NBPF20: variants seen among roughly 807,000 people sequenced by gnomAD.
The protein encoded by NBPF20 is NBPF member 20.
In NBPF20, 90 loss-of-function variants were observed where a neutral mutation model predicts 68.1. The observed-to-expected ratio is 1.32, with a 90% CI of 1.11 to 1.58. The LOEUF is 1.58. Among genes scored for constraint, NBPF20 ranks in the 40% most tolerant of loss-of-function variants. The probability of loss-of-function intolerance (pLI) is 0.00; values close to 1 mark genes in which losing one functional copy is unlikely to be tolerated. For missense variants in NBPF20, 816 were observed against 601.2 expected, an observed-to-expected ratio of 1.36 and a Z score of -3.74; for synonymous variants, 290 against 228.1, an observed-to-expected ratio of 1.27 and a Z score of -2.45.
chr1:145,400,670 T>G, intron 5 of NBPF20, 76 bp from the exon 11 acceptor site: 1 of 1,544,926 alleles, frequency 6.5e-7, no homozygotes, highest in Non-Finnish European at 8.9e-7. Flanking sequence ...CCTAGCTGGT[T>G]TTGACAGGCG....
chr1:145,393,948 TC>T lies in NBPF20; in HGVS notation c.992-14del. ...TCCCACCGATGTCCTGCAAATAAAT[TC>T]AGATGGGCCCTCTTACATTAAGCAG... On this transcript the variant is annotated splice_polypyrimidine_tract_variant and intron_variant, in intron 8 of 137. Transcript: ENST00000369373. 2 of 1,296,026 alleles carry T rather than the reference TC, an allele frequency of 1.5e-6. No individual in the cohort carries two copies. Among genetic ancestry groups the T allele is most frequent in the Non-Finnish European group, 2.2e-6 (2 of 903,960 alleles). 80.3% of individuals were successfully genotyped at this position (1,296,026 alleles called of 1,614,324 possible). A position where few individuals can be genotyped will look rare whatever the true frequency, so the allele number is the denominator to read the frequency against.
chr1:145,414,968 G>A, the NBPF20 span, among the ~76,000 whole-genome samples: 3 of 152,120 alleles, frequency 2.0e-5, no homozygotes, highest in Non-Finnish European at 4.4e-5. Flanking sequence ...AAAGTACAGA[G>A]GAAGAAAAAT....
chr1:145,422,902 T>C, the NBPF20 span, among the ~76,000 whole-genome samples: 1 of 146,516 alleles, frequency 6.8e-6, no homozygotes, highest in Non-Finnish European at 1.5e-5. Context: ...GGTGGGAGGA[T>C]CGCTTGAGCC....
At position 145,403,257 on chromosome 1, in the gene NBPF20, C is replaced by T. The variant is rs1662611576; in HGVS notation, c.237G>A (p.Glu79=). 2.5e-6 allele frequency: 4 copies of T among 1,612,334 alleles called. No individual in the cohort carries two copies. In the South Asian group the frequency reaches 4.4e-5, roughly 18 times the overall value. Residue 79 remains glutamate, a synonymous_variant, in exon 3 of 138, where the codon GAG becomes GAA. Transcript: ENST00000369373. ...GCTTGAGCTGCTCTGCAAGCTTCTC[C>T]TCCTTGAACTGTCGCTCATTCCTCA...
At chr1:145,395,603 A>G (rs1357400165) in intron 7 of NBPF20, among the ~76,000 whole-genome samples, 3 of 150,012 alleles carry the variant, frequency 2.0e-5, no homozygotes, top group Non-Finnish European at 2.9e-5. Flanking sequence ...TCTTGCAAAA[A>G]TACTAGCCAA....
exon 134 of NBPF20, chr1:145,294,901 A>C: frequency 2.5e-6 from 1 of 402,654 alleles, no homozygotes; most frequent in East Asian, 6.6e-5. Flanking sequence ...ACATCTATCC[A>C]GTGAGTCCTG....
exon 2 of NBPF20, chr1:145,405,197 G>T: frequency 6.2e-7 from 1 of 1,612,594 alleles, no homozygotes; most frequent in Non-Finnish European, 8.5e-7. Context: ...GCCAACTGGG[G>T]GCGCAATTTC....
upstream of NBPF20, among the ~76,000 whole-genome samples, chr1:145,409,894 G>A (rs1454602593): frequency 2.6e-5 from 4 of 151,472 alleles, no homozygotes; most frequent in Admixed American, 6.6e-5. Flanking sequence ...TTTCCAGGCC[G>A]TTTCCCTGTA....
At chr1:145,408,730 T>A (rs1229570501), upstream of NBPF20, among the ~76,000 whole-genome samples, 1 of 152,024 alleles carries the variant, frequency 6.6e-6, no homozygotes, top group African/African-American at 2.4e-5. Flanking sequence ...TCAATAAACA[T>A]GATATATATT....
intron 2 of NBPF20, among the ~76,000 whole-genome samples, chr1:145,404,606 T>C (rs1247982319): frequency 7.2e-5 from 11 of 152,234 alleles, no homozygotes; most frequent in African/African-American, 2.2e-4. Context: ...CAGGTTCTAT[T>C]AGGAGCAGAC....
upstream of NBPF20, among the ~76,000 whole-genome samples, chr1:145,405,970 G>A (rs1458705990): frequency 4.7e-5 from 7 of 149,842 alleles, no homozygotes; most frequent in African/African-American, 1.7e-4. Flanking sequence ...CCAGGCTGGA[G>A]TGCAGTGACG....
chr1:145,393,679 T>C lies in NBPF20; in HGVS notation c.1043+205A>G, dbSNP rs1662057590. On this transcript the variant is annotated intron_variant, in intron 9 of 137. Coordinates refer to ENST00000369373, the Ensembl canonical transcript of NBPF20. ...TACAGCTTTTGAGTTATGGTCAACT[T>C]TCACTAGGTTAGTAAATGATAAGGG... The C allele has an allele frequency of 6.5e-6, 9 of 1,395,070 alleles. No homozygotes were observed. In the South Asian group the frequency reaches 1.1e-4, roughly 17 times the overall value. The allele number at this position is 1,395,070 out of a possible 1,614,324, so 86.4% of individuals were successfully genotyped here. A position where few individuals can be genotyped will look rare whatever the true frequency, so the allele number is the denominator to read the frequency against.
chr1:145,417,329 G>A, the NBPF20 span, among the ~76,000 whole-genome samples: 6 of 149,956 alleles, frequency 4.0e-5, no homozygotes, highest in South Asian at 4.3e-4. Context: ...AATCTTACAC[G>A]TAAATGTAAG....
intron 6 of NBPF20, among the ~76,000 whole-genome samples, chr1:145,399,890 C>T (rs1662432979): frequency 1.3e-5 from 2 of 149,738 alleles, no homozygotes; most frequent in East Asian, 2.0e-4. Flanking sequence ...AATATATCAG[C>T]AAAGTAAAGA....
At chr1:145,394,594 T>G (rs1571362682) in intron 8 of NBPF20, among the ~76,000 whole-genome samples, 2 of 151,956 alleles carry the variant, frequency 1.3e-5, no homozygotes, top group East Asian at 3.9e-4. Flanking sequence ...CACACAGACA[T>G]GCTTTGGGAA....
chr1:145,412,405 T>A, the NBPF20 span, among the ~76,000 whole-genome samples: 2 of 152,066 alleles, frequency 1.3e-5, no homozygotes, highest in Admixed American at 6.6e-5. Context: ...ATCTGTTTCA[T>A]GGCCACCTGT....
At chr1:145,393,455 A>G (rs1294178024) in intron 9 of NBPF20, among the ~76,000 whole-genome samples, 6 of 121,284 alleles carry the variant, frequency 4.9e-5, no homozygotes, top group Non-Finnish European at 8.9e-5. Flanking sequence ...ACACACACAC[A>G]CAAACACACA....
chr1:145,404,990 C>G, intron 2 of NBPF20, 108 bp downstream of exon 7: 1 of 1,479,882 alleles, frequency 6.8e-7, no homozygotes, highest in Non-Finnish European at 9.4e-7. Flanking sequence ...TTCTGTTTTC[C>G]TACAAGTACA....
At chr1:145,412,526 T>A in the NBPF20 span, among the ~76,000 whole-genome samples, 6 of 152,040 alleles carry the variant, frequency 3.9e-5, no homozygotes, top group African/African-American at 1.4e-4. Context: ...AACCTTAAGA[T>A]GCATTAAATT....
Sources: allele counts gnomAD v4.1 joint callset (sites outside exome capture counted in the v4.1 genomes callset), GRCh38; gene constraint gnomAD v4.1.1; transcripts MANE v1.5; gene names NCBI Gene and HGNC (gene_info 2026-07-23, HGNC 2026-07-21).